The following LINGO2 variants were observed in gnomAD, a reference collection of about 807,000 sequenced individuals.
LINGO2 encodes the protein leucine rich repeat and Ig domain containing 2.
Under a neutral mutation model 30.6 loss-of-function variants are expected in LINGO2, and 14 were observed. That is an observed-to-expected ratio of 0.46 (90% CI 0.30 to 0.72). The LOEUF (loss-of-function observed/expected upper bound fraction) is 0.72, where lower values mean the gene tolerates loss of function less well. Among genes scored for constraint, LINGO2 ranks in the 30% least tolerant of loss-of-function variants. LINGO2 has a pLI of 0.07. For synonymous variants in LINGO2, 317 were observed against 288.5 expected, an observed-to-expected ratio of 1.10 and a Z score of -1.00; for missense variants, 729 against 751.7, an observed-to-expected ratio of 0.97 and a Z score of 0.35.
chr9:28,045,574 A>C (rs1286710650), intron 4 of LINGO2, among the ~76,000 whole-genome samples: 1 of 152,234 alleles, frequency 6.6e-6, no homozygotes, highest in East Asian at 1.9e-4. Flanking sequence ...ATTGTTCTAA[A>C]ATGTAAATAG....
chr9:28,932,178 G>C, the LINGO2 span, among the ~76,000 whole-genome samples: 4 of 147,020 alleles, frequency 2.7e-5, no homozygotes, highest in African/African-American at 1.0e-4. Context: ...GGGCCGGGGG[G>C]GATCTTGGCA....
At chr9:29,148,004 C>T in the LINGO2 span, among the ~76,000 whole-genome samples, 1 of 152,012 alleles carries the variant, frequency 6.6e-6, no homozygotes, top group Non-Finnish European at 1.5e-5. Context: ...CTTATTTAAT[C>T]TGATGCTATA....
rs1031066780 is a variant in LINGO2 at position 28,369,424 on chromosome 9, T to C, written c.-246+3412A>G. 7.9e-5 allele frequency among the ~76,000 whole-genome samples: 12 copies of C among 152,328 alleles called. No homozygotes were observed. In the South Asian group the frequency reaches 2.1e-3, roughly 26 times the overall value. On this transcript the variant is annotated intron_variant, in intron 3 of 5. Transcript: ENST00000379992. ...CCATGTTTAATTAAAAGTGACACCA[T>C]TGCTATAACCACTACACGTGCTGCC...
chr9:29,160,836 G>A, the LINGO2 span, among the ~76,000 whole-genome samples: 1 of 152,330 alleles, frequency 6.6e-6, no homozygotes, highest in Middle Eastern at 3.4e-3. Context: ...ATCCAGGCCT[G>A]CATGACTCAG....
intron 1 of LINGO2, among the ~76,000 whole-genome samples, chr9:28,560,375 C>G (rs543359119): frequency 2.0e-5 from 3 of 152,148 alleles, no homozygotes; most frequent in African/African-American, 4.8e-5. Flanking sequence ...TCTTTCTGAA[C>G]AAGAGAAATT....
the LINGO2 span, among the ~76,000 whole-genome samples, chr9:28,687,024 C>T: frequency 2.0e-5 from 3 of 152,062 alleles, no homozygotes; most frequent in Admixed American, 6.6e-5. Flanking sequence ...AAGACAGTTA[C>T]ATCATTGACC....
the LINGO2 span, among the ~76,000 whole-genome samples, chr9:28,969,407 G>C: frequency 6.6e-6 from 1 of 152,164 alleles, no homozygotes; most frequent in South Asian, 2.1e-4. Flanking sequence ...AGCAGGGCTA[G>C]GAAAATTAAC....
chr9:27,967,298 T>G (rs563205780), intron 5 of LINGO2, among the ~76,000 whole-genome samples: 2 of 152,212 alleles, frequency 1.3e-5, no homozygotes, highest in South Asian at 4.1e-4. Context: ...CTCTTCTAGG[T>G]CTTTGAAGTC....
intron 1 of LINGO2, among the ~76,000 whole-genome samples, chr9:28,550,691 C>T (rs1822232483): frequency 6.6e-6 from 1 of 151,536 alleles, no homozygotes; most frequent in Admixed American, 6.6e-5. Context: ...AAACAAATTA[C>T]CATTTAATAT....
At chr9:28,519,050 G>C (rs1820733337) in intron 1 of LINGO2, among the ~76,000 whole-genome samples, 1 of 151,970 alleles carries the variant, frequency 6.6e-6, no homozygotes, top group Admixed American at 6.6e-5. Flanking sequence ...TTGTGTTTTG[G>C]AGACAGGGTC....
At chr9:28,452,741 A>C (rs16913109) in intron 2 of LINGO2, among the ~76,000 whole-genome samples, 2,452 of 151,960 alleles carry the variant, frequency 0.016, 60 homozygotes, top group African/African-American at 0.055. Context: ...GAATTAGTAG[A>C]AATTTGCTAG....
chr9:28,894,291 G>C, the LINGO2 span, among the ~76,000 whole-genome samples: 1 of 151,968 alleles, frequency 6.6e-6, no homozygotes, highest in African/African-American at 2.4e-5. Flanking sequence ...ATTCTATATG[G>C]TTGCTGTTAT....
intron 1 of LINGO2, among the ~76,000 whole-genome samples, chr9:28,545,759 T>C (rs1487751753): frequency 6.6e-6 from 1 of 152,054 alleles, no homozygotes; most frequent in Non-Finnish European, 1.5e-5. Flanking sequence ...TACTTCCCTA[T>C]TGTATTCTAG....
chr9:28,008,449 A>T (rs1822378918), intron 5 of LINGO2, among the ~76,000 whole-genome samples: 1 of 151,212 alleles, frequency 6.6e-6, no homozygotes, highest in Non-Finnish European at 1.5e-5. Context: ...TCTATTCACC[A>T]TTGCACTGAA....
At chr9:27,937,977 G>A in the LINGO2 span, 1 of 152,056 alleles carries the variant, frequency 6.6e-6, no homozygotes, top group Non-Finnish European at 1.5e-5. Flanking sequence ...AGAAAGCTGG[G>A]GAGTCAGACT....
intron 4 of LINGO2, among the ~76,000 whole-genome samples, chr9:28,182,589 A>T (rs1003917429): frequency 6.6e-6 from 1 of 152,228 alleles, no homozygotes; most frequent in Non-Finnish European, 1.5e-5. Context: ...AACATCCAGA[A>T]TTTACAAGGA....
chr9:28,029,485 C>A (rs1823554250), intron 4 of LINGO2, among the ~76,000 whole-genome samples: 1 of 152,122 alleles, frequency 6.6e-6, no homozygotes, highest in Non-Finnish European at 1.5e-5. Flanking sequence ...ATAGTTAAGC[C>A]ACTTTGATAT....
chr9:28,741,188 G>T, the LINGO2 span, among the ~76,000 whole-genome samples: 1 of 152,012 alleles, frequency 6.6e-6, no homozygotes, highest in Non-Finnish European at 1.5e-5. Context: ...GATTGTGTCT[G>T]CTGGAACATG....
At chr9:28,869,044 T>C in the LINGO2 span, among the ~76,000 whole-genome samples, 4 of 152,130 alleles carry the variant, frequency 2.6e-5, no homozygotes, top group Non-Finnish European at 4.4e-5. Flanking sequence ...ATAAATGATA[T>C]ACTTATTAAA....
Sources: gnomAD v4.1 joint callset for allele counts (sites outside exome capture counted in the v4.1 genomes callset) on GRCh38, gnomAD v4.1.1 for gene constraint, MANE v1.5 for transcripts, NCBI Gene and HGNC (gene_info 2026-07-23, HGNC 2026-07-21) for gene names.